The following BABAM2 variants were observed in gnomAD, a reference collection of about 807,000 sequenced individuals.
The protein encoded by BABAM2 is BRISC and BRCA1 A complex member 2, also known as BRISC and BRCA1-A complex member 2.
A neutral mutation model predicts 54.7 loss-of-function variants in BABAM2; 31 were observed. The observed-to-expected ratio is 0.57, with a 90% CI of 0.43 to 0.77. BABAM2 has a LOEUF of 0.77. BABAM2 is among the 30% of genes least tolerant of loss of function. The probability of loss-of-function intolerance (pLI) is 0.00; values close to 1 mark genes in which losing one functional copy is unlikely to be tolerated. For synonymous variants in BABAM2, 167 were observed against 162.9 expected (o/e 1.03, Z -0.19); for missense variants, 364 against 455.8 (o/e 0.80, Z 1.83).
At chr2:27,906,385 T>A (rs1013345214) in intron 2 of BABAM2, among the ~76,000 whole-genome samples, 1 of 152,196 alleles carries the variant, frequency 6.6e-6, no homozygotes, top group African/African-American at 2.4e-5. Flanking sequence ...TGTCTAGACT[T>A]TTTGTGATCA....
chr2:28,069,593 C>T (rs115238374), intron 6 of BABAM2, among the ~76,000 whole-genome samples: 9 of 152,242 alleles, frequency 5.9e-5, no homozygotes, highest in Non-Finnish European at 7.4e-5. Flanking sequence ...GTGCTACTTT[C>T]GAGCAGGATT....
rs1464214745 is a variant in BABAM2, at chr2:28,309,374, A to G, written c.1088+10883A>G. ...TTTAAAGCCTCCCTGTCTTAAAGTC[A>G]TCTGTGCCATATAACAAAACCTGTT... On this transcript the variant is annotated intron_variant, in intron 11 of 11. Transcript: ENST00000379624. 7.9e-5 allele frequency: 12 copies of G among 152,164 alleles called. No individual in the cohort carries two copies. In the East Asian group the frequency reaches 2.3e-3, roughly 29 times the overall value. 9.4% of individuals were successfully genotyped at this position (152,164 alleles called of 1,614,324 possible).
At chr2:27,982,616 T>C (rs1030370366) in intron 3 of BABAM2, among the ~76,000 whole-genome samples, 4 of 152,076 alleles carry the variant, frequency 2.6e-5, no homozygotes, top group East Asian at 1.9e-4. Flanking sequence ...ACCCATTTAA[T>C]TGGGATAAAA....
chr2:28,309,921 G>T (rs151170427), intron 11 of BABAM2: 1 of 667,218 alleles, frequency 1.5e-6, no homozygotes, highest in Admixed American at 2.7e-5. Context: ...CTTCCATTCC[G>T]CACGAGCAAG....
intron 7 of BABAM2, among the ~76,000 whole-genome samples, chr2:28,187,956 C>T (rs998762883): frequency 1.8e-4 from 27 of 152,034 alleles, no homozygotes; most frequent in African/African-American, 5.8e-4. Context: ...GTGTGAGCCA[C>T]TGCACCTGGA....
rs5830060 is a variant in BABAM2, at chr2:28,002,060, T to TAA, written c.300+13988_300+13989dup. Among the ~76,000 whole-genome samples the TAA allele has an allele frequency of 2.5e-3, 349 of 140,066 alleles. 2 individuals are homozygous for TAA. Among genetic ancestry groups the TAA allele is most frequent in the Middle Eastern group, 0.022 (6 of 270 alleles). The allele number at this position is 140,066 out of a possible 152,430, so 91.9% of individuals were successfully genotyped here. A position where few individuals can be genotyped will look rare whatever the true frequency, so the allele number is the denominator to read the frequency against. On this transcript the variant is annotated intron_variant, in intron 4 of 11. Transcript: ENST00000379624. ...GTGACAGAAAATACAATCAAACAGGTAAAAAAAAAAAAAAAAGGAATTTAT... is the reference window on the plus strand; with the variant it reads ...GTGACAGAAAATACAATCAAACAGGTAAAAAAAAAAAAAAAAAAGGAATTTAT...
chr2:28,058,711 G>A (rs919076986), intron 6 of BABAM2, among the ~76,000 whole-genome samples: 1 of 152,112 alleles, frequency 6.6e-6, no homozygotes, highest in African/African-American at 2.4e-5. Context: ...TTTGGTTCTT[G>A]ATGAAACAAA....
chr2:28,331,506 G>A (rs1690958190), intron 11 of BABAM2, among the ~76,000 whole-genome samples: 1 of 152,128 alleles, frequency 6.6e-6, no homozygotes, highest in Non-Finnish European at 1.5e-5. Flanking sequence ...AGTGGGCAAA[G>A]GACATGAACA....
intron 6 of BABAM2, among the ~76,000 whole-genome samples, chr2:28,114,538 A>G (rs1668434891): frequency 6.6e-6 from 1 of 152,074 alleles, no homozygotes; most frequent in African/African-American, 2.4e-5. Flanking sequence ...GTTTATATTG[A>G]CCTCTTTGAG....
At chr2:28,331,714 T>A (rs1690972778) in intron 11 of BABAM2, among the ~76,000 whole-genome samples, 1 of 152,208 alleles carries the variant, frequency 6.6e-6, no homozygotes, top group Non-Finnish European at 1.5e-5. Flanking sequence ...TTTACACTGT[T>A]GGTGGGAATG....
chr2:28,243,984 G>A (rs1228192072), intron 9 of BABAM2, among the ~76,000 whole-genome samples: 1 of 152,142 alleles, frequency 6.6e-6, no homozygotes. Flanking sequence ...TCCTTAGTGT[G>A]GTTAGTATTG....
chr2:28,004,287 C>T (rs1673795304), intron 4 of BABAM2, among the ~76,000 whole-genome samples: 1 of 152,180 alleles, frequency 6.6e-6, no homozygotes, highest in South Asian at 2.1e-4. Flanking sequence ...AGCCCTTACA[C>T]TGGTTTGATG....
chr2:28,025,688 G>T (rs562612818), intron 5 of BABAM2, among the ~76,000 whole-genome samples: 1 of 152,156 alleles, frequency 6.6e-6, no homozygotes, highest in East Asian at 1.9e-4. Context: ...CTGAGGGCCT[G>T]CACGTGCTAC....
intron 3 of BABAM2, among the ~76,000 whole-genome samples, chr2:27,978,470 A>C (rs1161603920): frequency 6.6e-6 from 1 of 152,152 alleles, no homozygotes; most frequent in Admixed American, 6.5e-5. Context: ...TATTGCTTGA[A>C]CTTACTTTTT....
intron 3 of BABAM2, among the ~76,000 whole-genome samples, chr2:27,976,207 A>G (rs1366606690): frequency 2.0e-5 from 3 of 152,096 alleles, no homozygotes; most frequent in East Asian, 1.9e-4. Flanking sequence ...AGTCTTAAAC[A>G]TTTATCTAGA....
At chr2:28,150,694 C>A (rs1269844857) in intron 7 of BABAM2, among the ~76,000 whole-genome samples, 1 of 152,128 alleles carries the variant, frequency 6.6e-6, no homozygotes, top group Non-Finnish European at 1.5e-5. Context: ...TAGGGAAGAG[C>A]GCCAGCCAGT....
At chr2:28,257,485 T>A (rs943709269) in intron 10 of BABAM2, among the ~76,000 whole-genome samples, 4 of 152,240 alleles carry the variant, frequency 2.6e-5, no homozygotes, top group Non-Finnish European at 5.9e-5. Context: ...TGTGTGTCAA[T>A]GTTTTGTTCT....
chr2:28,105,531 T>C (rs751771465), intron 6 of BABAM2, among the ~76,000 whole-genome samples: 13 of 152,222 alleles, frequency 8.5e-5, no homozygotes, highest in Non-Finnish European at 1.8e-4. Context: ...TTTCTAGTGC[T>C]CTGTTTACTA....
chr2:28,026,456 A>G (rs553073355), intron 5 of BABAM2, among the ~76,000 whole-genome samples: 2 of 152,034 alleles, frequency 1.3e-5, no homozygotes, highest in South Asian at 2.1e-4. Flanking sequence ...GCTGGAAACC[A>G]TGATTCTCAG....
Sources: allele counts gnomAD v4.1 joint callset (sites outside exome capture counted in the v4.1 genomes callset), GRCh38; gene constraint gnomAD v4.1.1; transcripts MANE v1.5; gene names NCBI Gene and HGNC (gene_info 2026-07-23, HGNC 2026-07-21).